Variants in MAPT observed in about 807,000 individuals in gnomAD.
The protein encoded by MAPT is microtubule-associated protein tau.
Under a neutral mutation model 67.9 loss-of-function variants are expected in MAPT, and 34 were observed. The observed-to-expected ratio is 0.50, with a 90% confidence interval of 0.38 to 0.67. MAPT has a LOEUF of 0.67. Ranked by LOEUF, MAPT falls within the 30% of genes least tolerant of loss-of-function variation. MAPT has a pLI of 0.00. For synonymous variants in MAPT, 456 were observed against 464.5 expected (o/e 0.98, Z 0.23); for missense variants, 881 against 1,115.2 (o/e 0.79, Z 2.99).
chr17:45,955,544 T>C (rs1016550395), intron 1 of MAPT, among the ~76,000 whole-genome samples: 1 of 152,258 alleles, frequency 6.6e-6, no homozygotes, highest in Middle Eastern at 3.4e-3. Flanking sequence ...AGCCAGCGTG[T>C]CCAGTGGTTT....
intron 1 of MAPT, 46 bp from the exon 2 acceptor site, chr17:45,962,275 C>T: frequency 4.7e-6 from 7 of 1,505,118 alleles, no homozygotes; most frequent in Middle Eastern, 2.4e-4. Context: ...CCCCACTCTG[C>T]CCCCCAACAC....
At chr17:45,925,667 A>G (rs1044384956) in intron 1 of MAPT, among the ~76,000 whole-genome samples, 1 of 152,198 alleles carries the variant, frequency 6.6e-6, no homozygotes, top group Non-Finnish European at 1.5e-5. Flanking sequence ...AATTATGTCT[A>G]TGGGGTTTAA....
At chr17:46,003,652 G>A (rs2075202640) in intron 9 of MAPT, among the ~76,000 whole-genome samples, 1 of 152,138 alleles carries the variant, frequency 6.6e-6, no homozygotes. Context: ...ACATTTATGT[G>A]GAATAAATAC....
chr17:45,951,061 G>A (rs1033684862), intron 1 of MAPT, among the ~76,000 whole-genome samples: 1 of 152,224 alleles, frequency 6.6e-6, no homozygotes, highest in Non-Finnish European at 1.5e-5. Context: ...AATGAAGCAC[G>A]GAGCCGTGCC....
chr17:45,918,987 G>A (rs1441917233), intron 1 of MAPT, among the ~76,000 whole-genome samples: 6 of 151,760 alleles, frequency 4.0e-5, no homozygotes, highest in Non-Finnish European at 8.8e-5. Flanking sequence ...GCTTGAGCCC[G>A]GGAGGTGGAG....
At chr17:45,923,881 G>C (rs1198412439) in intron 1 of MAPT, among the ~76,000 whole-genome samples, 2 of 152,200 alleles carry the variant, frequency 1.3e-5, no homozygotes, top group Non-Finnish European at 2.9e-5. Flanking sequence ...CTCCATGCCT[G>C]AGTTTCCTCA....
intron 9 of MAPT, among the ~76,000 whole-genome samples, chr17:46,007,714 T>C (rs1022965649): frequency 6.6e-6 from 1 of 152,126 alleles, no homozygotes; most frequent in African/African-American, 2.4e-5. Flanking sequence ...TGAGGCTGGC[T>C]CTCTCACCAG....
In MAPT at chr17:46,025,099, T is replaced by C. The variant is rs1325647353; in HGVS notation, c.*928T>C. 2 of 152,464 alleles carry C rather than the reference T, an allele frequency of 1.3e-5. No homozygotes were observed. The highest frequency in any genetic ancestry group is 4.8e-5 in the African/African-American group (2 of 41,440). The allele number at this position is 152,464 out of a possible 1,614,324, so 9.4% of individuals were successfully genotyped here. A position where few individuals can be genotyped will look rare whatever the true frequency, so the allele number is the denominator to read the frequency against. On this transcript the variant is annotated 3_prime_UTR_variant, in exon 13 of 13. Transcript: ENST00000262410. ...TTCCCTCTGCTCCACAGAAACCCTG[T>C]TTTATTGAGTTCTGAAGGTTGGAAC...
rs2075750791 is a variant in MAPT at position 46,010,486 on chromosome 17, T to C, written c.2091+84T>C. The C allele has an allele frequency of 3.1e-6, 3 of 965,248 alleles. No homozygotes were observed. The highest frequency in any genetic ancestry group is 4.9e-6 in the Non-Finnish European group (3 of 613,268). The allele number at this position is 965,248 out of a possible 1,614,324, so 59.8% of individuals were successfully genotyped here. The stretch of plus-strand genomic sequence containing the variant: ...GTGAGTGCGTACACTTGCGAGACAC[T>C]GCATAGAATAAATCCTTCTTGGGCT... On this transcript the variant is annotated intron_variant, in intron 10 of 12. Transcript: ENST00000262410. The surrounding 1 kb of genome is among the most constrained non-coding windows in gnomAD (Gnocchi z 4.7).
chr17:45,933,321 T>C (rs1459608930), intron 1 of MAPT, among the ~76,000 whole-genome samples: 2 of 148,678 alleles, frequency 1.3e-5, no homozygotes, highest in Non-Finnish European at 3.0e-5. Context: ...CTCAGCTCAC[T>C]ACATCCTCTG....
At chr17:46,005,092 A>G (rs949915159) in intron 9 of MAPT, among the ~76,000 whole-genome samples, 3 of 152,194 alleles carry the variant, frequency 2.0e-5, no homozygotes, top group Non-Finnish European at 4.4e-5. Context: ...CCAGAAAAAA[A>G]CATTTCTAAG....
intron 1 of MAPT, among the ~76,000 whole-genome samples, chr17:45,917,480 C>A (rs2065295621): frequency 6.6e-6 from 1 of 152,206 alleles, no homozygotes; most frequent in African/African-American, 2.4e-5. Flanking sequence ...ATCTTTGCCC[C>A]TGCTTAAAAA....
At chr17:46,000,847 A>G (rs7216893) in intron 9 of MAPT, among the ~76,000 whole-genome samples, 20,026 of 152,212 alleles carry the variant, frequency 0.13, 1,740 homozygotes, top group African/African-American at 0.25. Flanking sequence ...CCTGGTTCCC[A>G]CATCCCCTTT....
At chr17:45,952,465 C>T (rs190842141) in intron 1 of MAPT, among the ~76,000 whole-genome samples, 1 of 152,288 alleles carries the variant, frequency 6.6e-6, no homozygotes, top group Non-Finnish European at 1.5e-5. Context: ...CATTGAAAAA[C>T]CCATACAAAA....
intron 1 of MAPT, among the ~76,000 whole-genome samples, chr17:45,917,367 TAAATC>T (rs2065288466): frequency 3.3e-5 from 5 of 152,006 alleles, no homozygotes; most frequent in African/African-American, 7.3e-5. Flanking sequence ...AGGAGAAAAA[TAAATC>T]AAAACAAAAG....
chr17:45,927,142 A>T (rs923617962), intron 1 of MAPT, among the ~76,000 whole-genome samples: 1 of 151,982 alleles, frequency 6.6e-6, no homozygotes, highest in African/African-American at 2.4e-5. Context: ...ACTTTTCTTA[A>T]GTTTGAAAAT....
intron 1 of MAPT, among the ~76,000 whole-genome samples, chr17:45,951,989 T>TG (rs1267259314): frequency 6.6e-6 from 1 of 151,944 alleles, no homozygotes; most frequent in Admixed American, 6.6e-5. Context: ...AAAACAGCCT[T>TG]GGTGTGTTTA....
chr17:45,997,435 G>A (rs1237132498), intron 9 of MAPT, among the ~76,000 whole-genome samples: 1 of 152,156 alleles, frequency 6.6e-6, no homozygotes, highest in African/African-American at 2.4e-5. Flanking sequence ...GTGTGCTCCT[G>A]GTAGCTCTGC....
intron 1 of MAPT, among the ~76,000 whole-genome samples, chr17:45,916,599 C>T (rs186406568): frequency 2.0e-4 from 30 of 152,272 alleles, no homozygotes; most frequent in African/African-American, 5.3e-4. Flanking sequence ...TCGGGAACAG[C>T]CCCCAAATGT....
Sources: allele counts gnomAD v4.1 joint callset (sites outside exome capture counted in the v4.1 genomes callset), GRCh38; gene constraint gnomAD v4.1.1; non-coding constraint Gnocchi (gnomAD v3.1); transcripts MANE v1.5; gene names NCBI Gene and HGNC (gene_info 2026-07-23, HGNC 2026-07-21).